Variants in B4GALT6 observed in about 807,000 individuals in gnomAD.
B4GALT6 encodes beta-1,4-galactosyltransferase 6, also known as UDP-Gal:beta-GlcNAc beta-1,4-galactosyltransferase 6.
A neutral mutation model predicts 46.3 loss-of-function variants in B4GALT6; 14 were observed. The observed-to-expected ratio is 0.30, with a 90% CI of 0.20 to 0.47. The LOEUF (loss-of-function observed/expected upper bound fraction) is 0.47. Among genes scored for constraint, B4GALT6 ranks in the 20% least tolerant of loss-of-function variants. B4GALT6 has a pLI of 0.99. For synonymous variants in B4GALT6, 168 were observed against 162.0 expected (o/e 1.04, Z -0.28); for missense variants, 386 against 480.1 (o/e 0.80, Z 1.83).
intron 2 of B4GALT6, among the ~76,000 whole-genome samples, chr18:31,659,677 T>G (rs1567974595): frequency 6.6e-6 from 1 of 152,096 alleles, no homozygotes; most frequent in Non-Finnish European, 1.5e-5. Context: ...CTAAGGCCTA[T>G]CCTACCAGGA....
rs2073708075 is a variant in B4GALT6 at position 31,627,025 on chromosome 18, T to A, written c.873A>T (p.Gly291=). ...NGFPNAFWGW[G]GEDDDLWNRV... is the part of the protein sequence containing the mutation. Reference sequence around the variant, plus strand: ...TGTTCCAAAGGTCATCATCTTCTCCTCCCCATCCCCAGAAGGCATTAGGAA... The same window carrying A: ...TGTTCCAAAGGTCATCATCTTCTCCACCCCATCCCCAGAAGGCATTAGGAA... Residue 291 remains glycine (G), a synonymous_variant, in exon 7 of 9, where the codon GGA becomes GGT. Transcript: ENST00000306851. The A allele has an allele frequency of 1.2e-6, 2 of 1,611,482 alleles. No homozygotes were observed. Among genetic ancestry groups the A allele is most frequent in the African/African-American group, 1.3e-5 (1 of 74,952 alleles).
the B4GALT6 span, among the ~76,000 whole-genome samples, chr18:31,710,127 A>G: frequency 6.6e-6 from 1 of 152,008 alleles, no homozygotes; most frequent in Admixed American, 6.6e-5. Flanking sequence ...AAAAATAAGA[A>G]ATGTGTTCAT....
intron 2 of B4GALT6, among the ~76,000 whole-genome samples, chr18:31,659,798 CATTA>C (rs1461871936): frequency 1.3e-5 from 2 of 151,990 alleles, no homozygotes; most frequent in African/African-American, 2.4e-5. Context: ...ATTCAGTGAA[CATTA>C]ATTGTTTTGT....
intron 2 of B4GALT6, among the ~76,000 whole-genome samples, chr18:31,662,092 TCTA>T (rs964152256): frequency 7.2e-5 from 11 of 152,232 alleles, no homozygotes; most frequent in African/African-American, 2.7e-4. Context: ...AGAGAATTGT[TCTA>T]CTTTTTATTT....
chr18:31,655,561 G>A (rs1008884281), intron 3 of B4GALT6, among the ~76,000 whole-genome samples: 1 of 152,160 alleles, frequency 6.6e-6, no homozygotes, highest in Non-Finnish European at 1.5e-5. Flanking sequence ...TGGGGCGGGA[G>A]GAGAGGAGTA....
At chr18:31,628,019 C>T (rs1049252583) in intron 6 of B4GALT6, among the ~76,000 whole-genome samples, 5 of 152,184 alleles carry the variant, frequency 3.3e-5, no homozygotes, top group Admixed American at 3.3e-4. Context: ...GAGGAGGGAA[C>T]TTTTTGTTAG....
intron 6 of B4GALT6, among the ~76,000 whole-genome samples, chr18:31,629,837 G>A (rs796282240): frequency 4.2e-5 from 6 of 141,552 alleles, no homozygotes; most frequent in African/African-American, 1.3e-4. Flanking sequence ...GCGACAAAGC[G>A]AGACTCTGTC....
intron 5 of B4GALT6, among the ~76,000 whole-genome samples, chr18:31,635,895 G>T (rs1213032174): frequency 6.6e-6 from 1 of 152,140 alleles, no homozygotes; most frequent in Non-Finnish European, 1.5e-5. Flanking sequence ...AGGTAACTTT[G>T]TCTATCATTT....
chr18:31,712,897 G>C, the B4GALT6 span, among the ~76,000 whole-genome samples: 1 of 152,172 alleles, frequency 6.6e-6, no homozygotes, highest in Non-Finnish European at 1.5e-5. Context: ...TGTGACCCAT[G>C]AGATTAACCC....
Position 31,638,675 on chromosome 18 carries a change from C to T in B4GALT6, c.557G>A (p.Arg186Gln), listed in dbSNP as rs915348123. The T allele has an allele frequency of 7.4e-6, 12 of 1,613,806 alleles. No individual in the cohort carries two copies. The highest frequency in any genetic ancestry group is 1.3e-5 in the African/African-American group (1 of 74,840). ...LHLIPMLQKQ[R>Q]LEFAFYVIEQ... ...AATGACATAAAACGCAAATTCCAGC[C>T]GCTGCTTCTGGAGCATTGGAATCAG... The change falls in exon 5 of 9, where the codon CGG (arginine) becomes CAG (glutamine). Residue 186 changes from arginine to glutamine, a missense_variant. Physicochemically the swap from Arg to Gln is conservative, Grantham distance 43. This residue lies in a region of B4GALT6 where 323 missense variants were observed against 438.9 expected (regional missense o/e 0.74). Transcript: ENST00000306851.
chr18:31,687,995 G>C (rs759750080), upstream of B4GALT6, among the ~76,000 whole-genome samples: 8 of 151,942 alleles, frequency 5.3e-5, no homozygotes, highest in Non-Finnish European at 1.2e-4. Context: ...GGGAAGAAAT[G>C]AAAGAAAATA....
In B4GALT6 at chr18:31,625,683, C is replaced by A. The variant is rs111402923; in HGVS notation, c.1080G>T (p.Leu360=). 2.5e-6 allele frequency: 4 copies of A among 1,613,580 alleles called. No homozygotes were observed. The highest frequency in any genetic ancestry group is 1.3e-5 in the African/African-American group (1 of 75,008). Residue 360 remains leucine (L), a synonymous_variant, in exon 9 of 9, where the codon CTG becomes CTT. Coordinates refer to ENST00000306851, the MANE Select transcript of B4GALT6 (RefSeq NM_004775.5). The part of the protein sequence containing the change: ...LNNLIYRPKI[L]VDRLYTNISV... The stretch of plus-strand genomic sequence containing the variant: ...ATATGTTTGTATACAACCTATCAAC[C>A]AGTATTTTTGGCCTATATATTAAAT...
chr18:31,704,548 C>A, the B4GALT6 span, among the ~76,000 whole-genome samples: 1 of 152,116 alleles, frequency 6.6e-6, no homozygotes, highest in African/African-American at 2.4e-5. Flanking sequence ...TTTACTACAA[C>A]TTTTGTCATA....
chr18:31,683,892 G>A (rs543971671), intron 1 of B4GALT6, among the ~76,000 whole-genome samples: 40 of 152,222 alleles, frequency 2.6e-4, no homozygotes, highest in African/African-American at 9.6e-4. Flanking sequence ...CACATTCCCT[G>A]CTGCTGGCTC....
At chr18:31,638,828 T>C (rs1299759823) in intron 4 of B4GALT6, 68 bp from the exon 5 acceptor site, 11 of 1,320,416 alleles carry the variant, frequency 8.3e-6, no homozygotes, top group East Asian at 6.9e-5. Flanking sequence ...AGGATAAAAA[T>C]CAATCCTTGA....
chr18:31,637,775 T>G (rs2073877773), intron 5 of B4GALT6, among the ~76,000 whole-genome samples: 1 of 152,238 alleles, frequency 6.6e-6, no homozygotes, highest in Non-Finnish European at 1.5e-5. Flanking sequence ...TAAACTGAAA[T>G]GTTTTTTCAA....
the B4GALT6 span, among the ~76,000 whole-genome samples, chr18:31,695,552 A>C: frequency 6.6e-6 from 1 of 152,160 alleles, no homozygotes; most frequent in Non-Finnish European, 1.5e-5. Flanking sequence ...GAAGGGAAGA[A>C]GTTTTCAACC....
intron 6 of B4GALT6, among the ~76,000 whole-genome samples, chr18:31,628,633 T>TG (rs1346890364): frequency 6.6e-6 from 1 of 152,184 alleles, no homozygotes; most frequent in African/African-American, 2.4e-5. Context: ...CCTGAGAGTC[T>TG]GAGTTCTCTG....
intron 6 of B4GALT6, among the ~76,000 whole-genome samples, chr18:31,628,858 T>A (rs2073737311): frequency 6.6e-6 from 1 of 152,220 alleles, no homozygotes; most frequent in Non-Finnish European, 1.5e-5. Context: ...CAACACAGGT[T>A]TGAGCTGCAC....
Sources: gnomAD v4.1 joint callset for allele counts (sites outside exome capture counted in the v4.1 genomes callset) on GRCh38, gnomAD v4.1.1 for gene constraint, gnomAD v4.1.1 regional missense constraint, MANE v1.5 for transcripts, NCBI Gene and HGNC (gene_info 2026-07-23, HGNC 2026-07-21) for gene names.